MILR1: variants seen among roughly 807,000 people sequenced by gnomAD.
The protein encoded by MILR1 is mast cell immunoglobulin like receptor 1.
MILR1 carries 31 observed loss-of-function variants against 18.5 expected under a neutral mutation model. That is an observed-to-expected ratio of 1.68 (90% CI 1.26 to 2.26). The LOEUF (loss-of-function observed/expected upper bound fraction) is 2.26. MILR1 is among the 30% of genes most tolerant of loss of function. The pLI is 0.00. For synonymous variants in MILR1, 85 were observed against 56.2 expected (o/e 1.51, Z -2.30); for missense variants, 257 against 157.4 (o/e 1.63, Z -3.38).
the MILR1 span, among the ~76,000 whole-genome samples, chr17:64,490,263 G>T: frequency 1.3e-5 from 2 of 152,064 alleles, no homozygotes; most frequent in African/African-American, 4.8e-5. Flanking sequence ...CTTTACACTG[G>T]AGAAATCTAG....
At chr17:64,495,594 T>C in the MILR1 span, among the ~76,000 whole-genome samples, 2 of 152,188 alleles carry the variant, frequency 1.3e-5, no homozygotes, top group African/African-American at 4.8e-5. Context: ...ATTTACCAAT[T>C]CATATTTAAT....
intron 2 of MILR1, among the ~76,000 whole-genome samples, chr17:64,449,947 T>TTTCTTTC (rs1555660533): frequency 0.11 from 3,809 of 33,234 alleles, 153 homozygotes; most frequent in African/African-American, 0.25. Flanking sequence ...TCTTTCTTTC[T>TTTCTTTC]TTTTTTTTTT....
chr17:64,455,666 T>C (rs2037279384), intron 3 of MILR1, among the ~76,000 whole-genome samples: 1 of 150,828 alleles, frequency 6.6e-6, no homozygotes, highest in African/African-American at 2.4e-5. Context: ...TTCACCATGT[T>C]AGCCAGGATG....
chr17:64,487,741 C>G, the MILR1 span, among the ~76,000 whole-genome samples: 4 of 152,174 alleles, frequency 2.6e-5, no homozygotes, highest in Non-Finnish European at 5.9e-5. Context: ...GTGACTCACT[C>G]CTGTAATCCT....
intron 5 of MILR1, among the ~76,000 whole-genome samples, chr17:64,462,594 A>G (rs1271558145): frequency 6.6e-6 from 1 of 152,140 alleles, no homozygotes; most frequent in Non-Finnish European, 1.5e-5. Flanking sequence ...AGGTTGGTGC[A>G]TAAGTAATTG....
chr17:64,494,245 T>C, the MILR1 span, among the ~76,000 whole-genome samples: 1 of 152,228 alleles, frequency 6.6e-6, no homozygotes, highest in Non-Finnish European at 1.5e-5. Flanking sequence ...TGTTTCCTTA[T>C]GATTTAATTT....
intron 6 of MILR1, among the ~76,000 whole-genome samples, chr17:64,466,048 G>A (rs1006590759): frequency 2.6e-5 from 4 of 152,082 alleles, no homozygotes; most frequent in South Asian, 2.1e-4. Context: ...GGGAGGCCTC[G>A]GGAGACTTAC....
At chr17:64,491,145 A>T in the MILR1 span, among the ~76,000 whole-genome samples, 1 of 151,802 alleles carries the variant, frequency 6.6e-6, no homozygotes, top group Non-Finnish European at 1.5e-5. Context: ...TTTTTTTGAG[A>T]TGTGTCTCAT....
the MILR1 span, chr17:64,492,902 C>T: frequency 1.9e-6 from 3 of 1,614,054 alleles, no homozygotes; most frequent in Non-Finnish European, 2.5e-6. Flanking sequence ...TACCTTTTAA[C>T]ACCATTTCGT....
At chr17:64,493,087 G>A in the MILR1 span, 1 of 1,515,770 alleles carries the variant, frequency 6.6e-7, no homozygotes, top group African/African-American at 1.4e-5. Flanking sequence ...TTTGTCAATA[G>A]ACACATTAAT....
At chr17:64,490,750 A>T in the MILR1 span, 1 of 1,450,848 alleles carries the variant, frequency 6.9e-7, no homozygotes, top group Non-Finnish European at 9.7e-7. Context: ...AAATGATTAT[A>T]GAGAATCTGG....
the MILR1 span, chr17:64,485,778 A>G: frequency 3.1e-6 from 5 of 1,613,000 alleles, no homozygotes; most frequent in South Asian, 5.5e-5. Flanking sequence ...GTCAGCTGGA[A>G]AGAATCATAG....
chr17:64,489,931 G>T, the MILR1 span, among the ~76,000 whole-genome samples: 17 of 143,478 alleles, frequency 1.2e-4, no homozygotes, highest in Non-Finnish European at 1.5e-4. Flanking sequence ...TAATTTTTTT[G>T]TTTTTTTTTT....
intron 9 of MILR1, 153 bp downstream of exon 9, chr17:64,467,798 G>A (rs1240371738): frequency 3.9e-6 from 2 of 509,918 alleles, no homozygotes; most frequent in Non-Finnish European, 7.1e-6. Context: ...AGCCAGGTGT[G>A]GTGGTGTGTG....
the MILR1 span, chr17:64,485,320 G>A: frequency 1.0e-5 from 2 of 193,892 alleles, no homozygotes; most frequent in East Asian, 1.4e-4. Context: ...CCAGGAACCA[G>A]CCATGTGGCA....
chr17:64,492,807 T>C, the MILR1 span: 1 of 1,598,696 alleles, frequency 6.3e-7, no homozygotes, highest in East Asian at 2.2e-5. Context: ...AGTTAGCTTA[T>C]CTGAAAATTA....
At chr17:64,483,683 T>C in the MILR1 span, among the ~76,000 whole-genome samples, 1 of 151,904 alleles carries the variant, frequency 6.6e-6, no homozygotes, top group Non-Finnish European at 1.5e-5. Context: ...TTTTTATATA[T>C]ATTTTTTTGA....
chr17:64,482,327 CTT>C, the MILR1 span, among the ~76,000 whole-genome samples: 11 of 128,508 alleles, frequency 8.6e-5, no homozygotes, highest in Non-Finnish European at 6.6e-5. Flanking sequence ...AAATTAAAAA[CTT>C]TTTTTTTTTT....
chr17:64,463,175 T>TA (rs1306837722), intron 5 of MILR1, among the ~76,000 whole-genome samples: 1 of 152,058 alleles, frequency 6.6e-6, no homozygotes, highest in African/African-American at 2.4e-5. Flanking sequence ...ACAGCTTTTT[T>TA]AAAAAAATGT....
Sources: gnomAD v4.1 joint callset for allele counts (sites outside exome capture counted in the v4.1 genomes callset) on GRCh38, gnomAD v4.1.1 for gene constraint, MANE v1.5 for transcripts, NCBI Gene and HGNC (gene_info 2026-07-23, HGNC 2026-07-21) for gene names.